The following BCAS3 variants were observed in gnomAD, a reference collection of about 807,000 sequenced individuals.
BCAS3 encodes BCAS4/BCAS3 fusion.
A neutral mutation model predicts 116.1 loss-of-function variants in BCAS3; 53 were observed. That is an observed-to-expected ratio of 0.46 (90% confidence interval 0.37 to 0.57). The LOEUF is 0.57. Among genes scored for constraint, BCAS3 ranks in the 20% least tolerant of loss-of-function variants. The probability of loss-of-function intolerance (pLI) is 0.00; values close to 1 mark genes in which losing one functional copy is unlikely to be tolerated. For synonymous variants in BCAS3, 391 were observed against 408.2 expected (o/e 0.96, Z 0.51); for missense variants, 917 against 1,165.4 (o/e 0.79, Z 3.10).
intron 22 of BCAS3, among the ~76,000 whole-genome samples, chr17:61,254,637 C>T (rs1190660539): frequency 2.0e-5 from 3 of 151,412 alleles, no homozygotes; most frequent in Non-Finnish European, 1.5e-5. Context: ...ATTAGCTGGG[C>T]GTGGTGGTGG....
intron 14 of BCAS3, among the ~76,000 whole-genome samples, chr17:60,952,310 T>C (rs2060887210): frequency 6.6e-6 from 1 of 151,932 alleles, no homozygotes; most frequent in African/African-American, 2.4e-5. Flanking sequence ...TTTTAAAAAT[T>C]ATTTTTAAAC....
At chr17:61,197,591 T>C (rs2080557578) in intron 22 of BCAS3, among the ~76,000 whole-genome samples, 1 of 152,210 alleles carries the variant, frequency 6.6e-6, no homozygotes, top group South Asian at 2.1e-4. Flanking sequence ...TCATCTCAGA[T>C]ACCTCCTCTA....
Position 61,044,465 on chromosome 17 carries a change from A to AAAAAAAAAAAAATATATAT in BCAS3, c.2029+3574_2029+3575insAAAAAAAAAAATATATATA. The stretch of plus-strand genomic sequence containing the variant: ...CTGTCTCAAAAAAAAAAAAAAAAAA[A>AAAAAAAAAAAAATATATAT]ATATATATATATATGCCATAAGAAC... On this transcript the variant is annotated intron_variant, in intron 19 of 23. Transcript: ENST00000407086. Among the ~76,000 whole-genome samples, 248 of 119,936 alleles carry AAAAAAAAAAAAATATATAT rather than the reference A, an allele frequency of 2.1e-3. 6 individuals carry two copies. Among genetic ancestry groups the AAAAAAAAAAAAATATATAT allele is most frequent in the African/African-American group, 0.012 (233 of 19,880 alleles). 78.7% of individuals were successfully genotyped at this position (119,936 alleles called of 152,430 possible). A position where few individuals can be genotyped will look rare whatever the true frequency, so the allele number is the denominator to read the frequency against.
Position 61,244,024 on chromosome 17 carries a change from C to T in BCAS3, c.2426-124303C>T, listed in dbSNP as rs1302190158. On this transcript the variant is annotated intron_variant, in intron 22 of 23. Transcript: ENST00000407086. The surrounding 1 kb of genome is among the most constrained non-coding windows in gnomAD (Gnocchi z 4.9). ...CCAGCTGGTCCTGAACTCCTGGCCT[C>T]AAGTGATTCTCCCTGTCTCAGCCTC... 2.0e-5 allele frequency among the ~76,000 whole-genome samples: 3 copies of T among 152,056 alleles called. No individual in the cohort carries two copies. The highest frequency in any genetic ancestry group is 7.2e-5 in the African/African-American group (3 of 41,398).
At position 61,201,919 on chromosome 17, in the gene BCAS3, C is replaced by T. The variant is rs184206358; in HGVS notation, c.2425+117355C>T. ...GATTACGGGAATGTGACACCACGCTCGGCTAGTTTTTGTTATTTTTAGTAG... is the reference window on the plus strand; with the variant it reads ...GATTACGGGAATGTGACACCACGCTTGGCTAGTTTTTGTTATTTTTAGTAG... On this transcript the variant is annotated intron_variant, in intron 22 of 23. Coordinates refer to ENST00000407086, the MANE Select transcript of BCAS3 (RefSeq NM_017679.5). Among the ~76,000 whole-genome samples, 296 of 151,298 alleles carry T rather than the reference C, an allele frequency of 2.0e-3. 1 individual carries two copies. The highest frequency in any genetic ancestry group is 6.8e-3 in the African/African-American group (280 of 41,260).
At chr17:61,005,974 A>G (rs576178546) in intron 15 of BCAS3, among the ~76,000 whole-genome samples, 20 of 151,566 alleles carry the variant, frequency 1.3e-4, no homozygotes, top group Non-Finnish European at 2.5e-4. Flanking sequence ...CAGTCCCCAG[A>G]GTGTGATGTT....
rs575442060 is a variant in BCAS3, at chr17:61,032,737, C to T, written c.1638-1929C>T. 3.9e-5 allele frequency among the ~76,000 whole-genome samples: 6 copies of T among 152,278 alleles called. No homozygotes were observed. In the South Asian group the frequency reaches 1.2e-3, roughly 32 times the overall value. ...AAACAGTTTATAGAGCCAGATTCAG[C>T]TTCCCACAGAAACTTTTTATTTAAA... On this transcript the variant is annotated intron_variant, in intron 16 of 23. Coordinates refer to ENST00000407086, the MANE Select transcript of BCAS3 (RefSeq NM_017679.5). This position sits in a 1 kb window ranked among gnomAD's most constrained non-coding sequence, Gnocchi z 4.6.
chr17:60,883,139 C>T (rs1400754768), intron 9 of BCAS3, among the ~76,000 whole-genome samples: 1 of 142,636 alleles, frequency 7.0e-6, no homozygotes, highest in Non-Finnish European at 1.5e-5. Flanking sequence ...TTGTAGTTCT[C>T]CTTGAAGAGG....
At position 61,020,349 on chromosome 17, in the gene BCAS3, C is replaced by A. The variant is rs1254477861; in HGVS notation, c.1637+4448C>A. 6.6e-6 allele frequency among the ~76,000 whole-genome samples: 1 copy of A among 152,190 alleles called. No individual in the cohort carries two copies. The highest frequency in any genetic ancestry group is 1.5e-5 in the Non-Finnish European group (1 of 68,028). ...CAGTAGAACTACAAATAGCAGAAGACAGATGTATTTACACCTTCTTGTTCA... is the reference window on the plus strand; with the variant it reads ...CAGTAGAACTACAAATAGCAGAAGAAAGATGTATTTACACCTTCTTGTTCA... On this transcript the variant is annotated intron_variant, in intron 16 of 23. Coordinates refer to ENST00000407086, the MANE Select transcript of BCAS3 (RefSeq NM_017679.5). This position sits in a 1 kb window ranked among gnomAD's most constrained non-coding sequence, Gnocchi z 4.5.
At chr17:60,710,629 C>T (rs1209059648) in intron 5 of BCAS3, among the ~76,000 whole-genome samples, 2 of 151,852 alleles carry the variant, frequency 1.3e-5, no homozygotes, top group Non-Finnish European at 2.9e-5. Flanking sequence ...GATGGGGTTT[C>T]ACCACGTTAG....
chr17:60,825,165 CAAAAA>C (rs796973382), intron 7 of BCAS3, among the ~76,000 whole-genome samples: 7 of 110,278 alleles, frequency 6.3e-5, no homozygotes, highest in Admixed American at 3.0e-4. Context: ...GAACCTGTCT[CAAAAA>C]AAAAAAAAAA....
intron 6 of BCAS3, among the ~76,000 whole-genome samples, chr17:60,795,918 G>T (rs2047175598): frequency 6.6e-6 from 1 of 152,118 alleles, no homozygotes; most frequent in Non-Finnish European, 1.5e-5. Flanking sequence ...TCGAACTCCT[G>T]ACCTCAAGTG....
At chr17:61,062,279 C>T (rs557132876) in intron 19 of BCAS3, among the ~76,000 whole-genome samples, 26 of 152,168 alleles carry the variant, frequency 1.7e-4, no homozygotes, top group African/African-American at 6.3e-4. Flanking sequence ...AACCTCATCC[C>T]CTCCCAGGAG....
chr17:61,142,366 A>G (rs892893427), intron 22 of BCAS3, among the ~76,000 whole-genome samples: 13 of 152,192 alleles, frequency 8.5e-5, no homozygotes, highest in Non-Finnish European at 1.8e-4. Flanking sequence ...TTGGTAATGG[A>G]GGAATACTGA....
At chr17:61,038,475 G>T (rs889624374) in intron 18 of BCAS3, among the ~76,000 whole-genome samples, 1 of 151,414 alleles carries the variant, frequency 6.6e-6, no homozygotes, top group Non-Finnish European at 1.5e-5. Flanking sequence ...GGATGGTCTC[G>T]ATCTCCTGAC....
At position 61,105,012 on chromosome 17, in the gene BCAS3, G is replaced by A. The variant is rs1052505777; in HGVS notation, c.2425+20448G>A. 2.6e-5 allele frequency among the ~76,000 whole-genome samples: 4 copies of A among 152,154 alleles called. No individual in the cohort carries two copies. The highest frequency in any genetic ancestry group is 5.9e-5 in the Non-Finnish European group (4 of 68,036). ...ACAAGCTGTGTAATACATACTTCAG[G>A]TAACCTCCGTGGGTTTCCTCACTGC... is the stretch of plus-strand genomic sequence containing the variant. On this transcript the variant is annotated intron_variant, in intron 22 of 23. Transcript: ENST00000407086. The surrounding 1 kb of genome is among the most constrained non-coding windows in gnomAD (Gnocchi z 4.3).
At position 61,248,163 on chromosome 17, in the gene BCAS3, T is replaced by C. The variant is rs1385239610; in HGVS notation, c.2426-120164T>C. On this transcript the variant is annotated intron_variant, in intron 22 of 23. Coordinates refer to ENST00000407086, the MANE Select transcript of BCAS3 (RefSeq NM_017679.5). The surrounding 1 kb of genome is among the most constrained non-coding windows in gnomAD (Gnocchi z 4.3). ...TTTTCTGAGCACTTCTTGGATCCTTTCCCCAACAAAGCCACCAAGGGAACT... is the reference window on the plus strand; with the variant it reads ...TTTTCTGAGCACTTCTTGGATCCTTCCCCCAACAAAGCCACCAAGGGAACT... Among the ~76,000 whole-genome samples, 1 of 152,164 alleles carries C rather than the reference T, an allele frequency of 6.6e-6. No homozygotes were observed. The highest frequency in any genetic ancestry group is 2.4e-5 in the African/African-American group (1 of 41,448).
At chr17:60,871,045 A>G (rs1369860009) in intron 8 of BCAS3, among the ~76,000 whole-genome samples, 1 of 152,182 alleles carries the variant, frequency 6.6e-6, no homozygotes, top group African/African-American at 2.4e-5. Flanking sequence ...CTTCCCAGTC[A>G]TTTGTCCATT....
intron 22 of BCAS3, among the ~76,000 whole-genome samples, chr17:61,254,107 A>T (rs1602213950): frequency 6.6e-6 from 1 of 152,178 alleles, no homozygotes; most frequent in Admixed American, 6.5e-5. Context: ...AAGCCCGAGG[A>T]AAAAACTCAA....
Sources: allele counts gnomAD v4.1 joint callset (sites outside exome capture counted in the v4.1 genomes callset), GRCh38; gene constraint gnomAD v4.1.1; non-coding constraint Gnocchi (gnomAD v3.1); transcripts MANE v1.5; gene names NCBI Gene and HGNC (gene_info 2026-07-23, HGNC 2026-07-21).